Variants in AGAP9 observed in about 807,000 individuals in gnomAD.
The protein encoded by AGAP9 is arf-GAP with GTPase, ANK repeat and PH domain-containing protein 9.
AGAP9 carries 23 observed loss-of-function variants against 55.6 expected under a neutral mutation model. The observed-to-expected ratio is 0.41, with a 90% CI of 0.30 to 0.59. AGAP9 has a LOEUF of 0.59. Among genes scored for constraint, AGAP9 ranks in the 20% least tolerant of loss-of-function variants. The probability of loss-of-function intolerance (pLI) is 0.25; values close to 1 mark genes in which losing one functional copy is unlikely to be tolerated. For missense variants in AGAP9, 309 were observed against 808.1 expected (o/e 0.38, Z 7.49); for synonymous variants, 120 against 305.0 (o/e 0.39, Z 6.32).
In AGAP9 at chr10:47,502,407, C is replaced by G. The variant is rs1324996092; in HGVS notation, c.1722G>C (p.Lys574Asn). 5 of 1,610,498 alleles carry G rather than the reference C, an allele frequency of 3.1e-6. No homozygotes were observed. Among genetic ancestry groups the G allele is most frequent in the Non-Finnish European group, 4.2e-6 (5 of 1,179,740 alleles). ...EWWIRSKYEE[K>N]LFLAPLPCTE... ...TGCAGGGTAGTGGGGCCAGAAAGAG[C>G]TTCTCCTCATATTTGGAACGGATCC... The change falls in exon 8 of 8, where the codon AAG becomes AAC. Residue 574 changes from lysine (K) to asparagine (N), a missense_variant. Physicochemically the swap from Lys to Asn is moderately conservative, Grantham distance 94. Transcript: ENST00000452145.
At chr10:47,506,442 T>G (rs1840479714) in intron 6 of AGAP9, among the ~76,000 whole-genome samples, 2 of 137,962 alleles carry the variant, frequency 1.4e-5, no homozygotes, top group Non-Finnish European at 3.1e-5. Context: ...GTGATTCTCC[T>G]GCCTCAGCCT....
intron 4 of AGAP9, among the ~76,000 whole-genome samples, chr10:47,510,843 A>C (rs1267712352): frequency 1.6e-5 from 2 of 125,620 alleles, no homozygotes; most frequent in Admixed American, 8.3e-5. Flanking sequence ...AAAAAAAAAA[A>C]AAAAAGAAAG....
chr10:47,519,116 G>A (rs1309242537), intron 3 of AGAP9, among the ~76,000 whole-genome samples: 1 of 137,262 alleles, frequency 7.3e-6, no homozygotes, highest in Non-Finnish European at 1.5e-5. Flanking sequence ...GATTCCTTAT[G>A]AATGGCTTGG....
intron 5 of AGAP9, among the ~76,000 whole-genome samples, chr10:47,507,874 C>T (rs1234354813): frequency 9.9e-6 from 1 of 100,820 alleles, no homozygotes; most frequent in Non-Finnish European, 2.0e-5. Flanking sequence ...TGAAACCTTT[C>T]GTCCCATGCG....
intron 4 of AGAP9, among the ~76,000 whole-genome samples, chr10:47,513,667 C>T (rs1235580452): frequency 0.026 from 3,568 of 139,406 alleles, 448 homozygotes; most frequent in African/African-American, 0.086. Context: ...CAAAATAGCA[C>T]GGTACTGATA....
At position 47,510,316 on chromosome 10, in the gene AGAP9, T is replaced by A. The variant is rs1336194273; in HGVS notation, c.397-45A>T. The stretch of plus-strand genomic sequence containing the variant: ...TAAGTCAAACTTATCAAAGTGTATT[T>A]TTTTCTCAGTTAAAATGTCAAATGA... On this transcript the variant is annotated intron_variant, in intron 4 of 7. Coordinates refer to ENST00000452145, the MANE Select transcript of AGAP9 (RefSeq NM_001190810.1). 9 of 1,033,128 alleles carry A rather than the reference T, an allele frequency of 8.7e-6. 2 individuals are homozygous for A. Among genetic ancestry groups the A allele is most frequent in the Admixed American group, 6.1e-5 (2 of 32,778 alleles). The allele number at this position is 1,033,128 out of a possible 1,614,324, so 64.0% of individuals were successfully genotyped here. A position where few individuals can be genotyped will look rare whatever the true frequency, so the allele number is the denominator to read the frequency against.
At chr10:47,510,982 A>C (rs1431452660) in intron 4 of AGAP9, among the ~76,000 whole-genome samples, 77 of 124,638 alleles carry the variant, frequency 6.2e-4, no homozygotes, top group African/African-American at 1.1e-3. Flanking sequence ...CTCGCTCTGT[A>C]GCCCAGGCTG....
intron 5 of AGAP9, 113 bp from the exon 6 acceptor site, chr10:47,507,696 T>C (rs1424109295): frequency 2.1e-6 from 2 of 974,482 alleles, no homozygotes; most frequent in Non-Finnish European, 3.0e-6. Flanking sequence ...AATTCAAATC[T>C]TCTAGTTCAG....
chr10:47,503,939 A>G (rs1389576576), intron 7 of AGAP9, among the ~76,000 whole-genome samples: 3 of 28,750 alleles, frequency 1.0e-4, no homozygotes, highest in African/African-American at 3.9e-4. Context: ...GAGTCCATCA[A>G]AAAAAAAAAA....
At chr10:47,515,496 T>TA (rs1293641433) in intron 4 of AGAP9, among the ~76,000 whole-genome samples, 37 of 35,490 alleles carry the variant, frequency 1.0e-3, no homozygotes, top group African/African-American at 2.4e-3. Flanking sequence ...GGGTAAAATG[T>TA]AAAAAAAAAA....
intron 4 of AGAP9, among the ~76,000 whole-genome samples, chr10:47,517,312 G>A (rs1416570486): frequency 2.7e-5 from 2 of 75,266 alleles, no homozygotes; most frequent in South Asian, 4.4e-4. Flanking sequence ...TCGCTCTGTC[G>A]CCCAGGCTGG....
intron 4 of AGAP9, among the ~76,000 whole-genome samples, chr10:47,514,006 G>A (rs1840680983): frequency 7.1e-6 from 1 of 140,092 alleles, no homozygotes; most frequent in Non-Finnish European, 1.5e-5. Context: ...GAACACAAAA[G>A]CAAATGCAAC....
Position 47,503,151 on chromosome 10 carries a change from A to G in AGAP9, c.978T>C (p.Ile326=), listed in dbSNP as rs1840393582. 6.2e-7 allele frequency: 1 copy of G among 1,609,220 alleles called. No individual in the cohort carries two copies. The highest frequency in any genetic ancestry group is 1.7e-5 in the Admixed American group (1 of 59,426). Residue 326 remains isoleucine (I), a synonymous_variant, in exon 8 of 8, where the codon ATT becomes ATC. Transcript: ENST00000452145. ...TCCGAAGGTCAATCTCTTTTTTATG[A>G]ATATTCTTCATATAATCACCTAAGC... is the stretch of plus-strand genomic sequence containing the variant. The part of the protein sequence containing the change: ...YSSLGDYMKN[I]HKKEIDLRTS...
intron 7 of AGAP9, among the ~76,000 whole-genome samples, chr10:47,503,786 T>C (rs1223633918): frequency 7.7e-6 from 1 of 130,372 alleles, no homozygotes; most frequent in Admixed American, 7.7e-5. Flanking sequence ...AAAAAAAAAT[T>C]AGCTGGGCAT....
intron 4 of AGAP9, among the ~76,000 whole-genome samples, chr10:47,513,089 C>G (rs1320011514): frequency 2.1e-5 from 3 of 144,262 alleles, no homozygotes; most frequent in African/African-American, 7.8e-5. Flanking sequence ...CTGGAGTATG[C>G]AATGCGGTGA....
intron 2 of AGAP9, among the ~76,000 whole-genome samples, chr10:47,521,563 C>T (rs1840837716): frequency 7.1e-6 from 1 of 141,410 alleles, no homozygotes; most frequent in Non-Finnish European, 1.5e-5. Flanking sequence ...TTAAATGAAA[C>T]CAATAAGCCA....
chr10:47,505,343 T>C (rs1840455631), intron 6 of AGAP9, among the ~76,000 whole-genome samples: 1 of 77,192 alleles, frequency 1.3e-5, no homozygotes, highest in Non-Finnish European at 2.4e-5. Flanking sequence ...ATTACATTAG[T>C]AGTCATTCTA....
At position 47,502,958 on chromosome 10, in the gene AGAP9, G is replaced by A. The variant is rs2132471006; in HGVS notation, c.1171C>T (p.Pro391Ser). ...TTATTGGCATGAGGAGAGGGGGGCG[G>A]GTTGAGCTTGGGGCTGGTGGTGCTG... is the stretch of plus-strand genomic sequence containing the variant. ...ISSTTSPKLN[P>S]PPSPHANKKK... The change falls in exon 8 of 8, where the codon CCG becomes TCG. Residue 391 changes from proline (P) to serine (S), a missense_variant. Transcript: ENST00000452145. 6.3e-7 allele frequency: 1 copy of A among 1,586,818 alleles called. No individual in the cohort carries two copies. Among genetic ancestry groups the A allele is most frequent in the Non-Finnish European group, 8.6e-7 (1 of 1,168,126 alleles).
At chr10:47,521,366 C>T (rs1300725792) in intron 2 of AGAP9, among the ~76,000 whole-genome samples, 7 of 138,096 alleles carry the variant, frequency 5.1e-5, no homozygotes, top group South Asian at 2.3e-4. Flanking sequence ...TTAATTCACA[C>T]AATGCATTTG....
Sources: gnomAD v4.1 joint callset for allele counts (sites outside exome capture counted in the v4.1 genomes callset) on GRCh38, gnomAD v4.1.1 for gene constraint, MANE v1.5 for transcripts, NCBI Gene and HGNC (gene_info 2026-07-23, HGNC 2026-07-21) for gene names.